Variants in AMER3 observed in about 807,000 individuals in gnomAD.
AMER3 encodes the protein family with sequence similarity 123C.
For missense variants in AMER3, 1,201 were observed against 1,139.4 expected, an observed-to-expected ratio of 1.05 and a Z score of -0.78; for synonymous variants, 541 against 485.5, an observed-to-expected ratio of 1.11 and a Z score of -1.50.
In AMER3 at chr2:130,763,915, T is replaced by G. The variant is rs1444114463; in HGVS notation, c.1843T>G (p.Ser615Ala). 6.2e-7 allele frequency: 1 copy of G among 1,613,520 alleles called. No homozygotes were observed. Among genetic ancestry groups the G allele is most frequent in the African/African-American group, 1.3e-5 (1 of 74,948 alleles). ...TRGHSEGLFS[S>A]MESAATSTTD... ...AGGTCACTCTGAAGGCTTGTTCTCC[T>G]CTATGGAGTCTGCAGCCACTTCGAC... The change falls in exon 2 of 2, where the codon TCT becomes GCT. Residue 615 changes from serine (S) to alanine (A), a missense_variant. Physicochemically the swap from Ser to Ala is moderately conservative, Grantham distance 99. Coordinates refer to ENST00000321420, the MANE Select transcript of AMER3 (RefSeq NM_152698.3).
intron 1 of AMER3, among the ~76,000 whole-genome samples, chr2:130,761,430 A>G (rs56783287): frequency 0.078 from 11,856 of 151,878 alleles, 1,062 homozygotes; most frequent in African/African-American, 0.22. Flanking sequence ...TCCCATGCTC[A>G]CCTCCCACCA....
chr2:130,760,271 G>C (rs1678738316), intron 1 of AMER3, among the ~76,000 whole-genome samples: 2 of 152,230 alleles, frequency 1.3e-5, no homozygotes, highest in South Asian at 4.1e-4. Flanking sequence ...TCCCTTGGGT[G>C]GGAGCGGGTG....
chr2:130,764,426 T>A lies in AMER3; in HGVS notation c.2354T>A (p.Val785Glu). 6.2e-7 allele frequency: 1 copy of A among 1,609,420 alleles called. No homozygotes were observed. The highest frequency in any genetic ancestry group is 8.5e-7 in the Non-Finnish European group (1 of 1,178,444). The change falls in exon 2 of 2, where the codon GTG becomes GAG. Residue 785 changes from valine to glutamate, a missense_variant. Val to Glu is a moderately radical substitution (Grantham distance 121, BLOSUM62 -2). Coordinates refer to ENST00000321420, the MANE Select transcript of AMER3 (RefSeq NM_152698.3). ...CTCAGCACAGAGGCTGTGGAGCAGG[T>A]GGCACACGGCAGCCAGCTGGACTCT... ...LQLSTEAVEQ[V>E]AHGSQLDSEP...
chr2:130,760,846 C>T (rs948355091), intron 1 of AMER3, among the ~76,000 whole-genome samples: 3 of 152,130 alleles, frequency 2.0e-5, no homozygotes, highest in Non-Finnish European at 2.9e-5. Context: ...CACCTTGGCT[C>T]AGCTCCCTCC....
At chr2:130,756,097 G>A (rs909817722) in intron 1 of AMER3, among the ~76,000 whole-genome samples, 30 of 150,778 alleles carry the variant, frequency 2.0e-4, no homozygotes, top group African/African-American at 7.0e-4. Context: ...CAGGGAGGCG[G>A]CAGCCTGGCG....
At position 130,762,568 on chromosome 2, in the gene AMER3, A is replaced by G. The variant is rs1678820271; in HGVS notation, c.496A>G (p.Ile166Val). 3 of 1,613,416 alleles carry G rather than the reference A, an allele frequency of 1.9e-6. No individual in the cohort carries two copies. The highest frequency in any genetic ancestry group is 2.2e-5 in the East Asian group (1 of 44,860). The change falls in exon 2 of 2, where the codon ATT becomes GTT. Residue 166 changes from isoleucine to valine, a missense_variant. Ile to Val is a conservative substitution (Grantham distance 29, BLOSUM62 3). Coordinates refer to ENST00000321420, the MANE Select transcript of AMER3 (RefSeq NM_152698.3). ...GAAGTGCTTTCGGAACCTATTCCAC[A>G]TTCGGAGAAACAAGACTGAGGACTT... ...PKKCFRNLFH[I>V]RRNKTEDLAS...
chr2:130,758,405 AAGG>A (rs1241201249), intron 1 of AMER3, among the ~76,000 whole-genome samples: 2 of 150,914 alleles, frequency 1.3e-5, no homozygotes, highest in African/African-American at 4.9e-5. Flanking sequence ...GAAAGGAAGG[AAGG>A]AAGGAAGGAG....
intron 1 of AMER3, among the ~76,000 whole-genome samples, chr2:130,757,959 C>T (rs774563833): frequency 6.6e-6 from 1 of 152,052 alleles, no homozygotes; most frequent in Non-Finnish European, 1.5e-5. Flanking sequence ...GGTGAAACCC[C>T]GTCTCTACTA....
At position 130,763,248 on chromosome 2, in the gene AMER3, G is replaced by T. The variant is rs759642503; in HGVS notation, c.1176G>T (p.Ser392=). ...TSDEGYYDSF[S]PGLEEDKKEA... ...ACGAGGGCTACTATGATTCCTTCTC[G>T]CCAGGACTTGAGGAGGACAAGAAGG... The change falls in exon 2 of 2, where the codon TCG becomes TCT. Residue 392 remains serine (S), a synonymous_variant. Coordinates refer to ENST00000321420, the MANE Select transcript of AMER3 (RefSeq NM_152698.3). 2.0e-5 allele frequency: 32 copies of T among 1,613,744 alleles called. No individual in the cohort carries two copies. Among genetic ancestry groups the T allele is most frequent in the Non-Finnish European group, 2.7e-5 (32 of 1,180,034 alleles).
At chr2:130,760,955 C>T (rs1239548331) in intron 1 of AMER3, among the ~76,000 whole-genome samples, 2 of 152,106 alleles carry the variant, frequency 1.3e-5, no homozygotes, top group Admixed American at 6.5e-5. Context: ...TCCCTGCTGT[C>T]GGTGAGCCCT....
rs766943151 is a variant in AMER3 at position 130,763,840 on chromosome 2, C to A, written c.1768C>A (p.Gln590Lys). Residue 590 changes from glutamine to lysine, a missense_variant, in exon 2 of 2, where the codon CAA (glutamine) becomes AAA (lysine). Coordinates refer to ENST00000321420, the MANE Select transcript of AMER3 (RefSeq NM_152698.3). ...GAGCAAGGCCCTCGGAGGGGCCACACAAGGGACTGGCACACTGTCCAGGGA... is the reference window on the plus strand; with the variant it reads ...GAGCAAGGCCCTCGGAGGGGCCACAAAAGGGACTGGCACACTGTCCAGGGA... The part of the protein sequence containing the change: ...GESKALGGAT[Q>K]GTGTLSRDAS... 6.2e-7 allele frequency: 1 copy of A among 1,613,292 alleles called. No homozygotes were observed. Among genetic ancestry groups the A allele is most frequent in the Admixed American group, 1.7e-5 (1 of 60,024 alleles).
Position 130,764,636 on chromosome 2 carries a change from C to T in AMER3, c.2564C>T (p.Ala855Val), listed in dbSNP as rs2104787369. 6.2e-7 allele frequency: 1 copy of T among 1,606,820 alleles called. No individual in the cohort carries two copies. The highest frequency in any genetic ancestry group is 2.2e-5 in the East Asian group (1 of 44,820). Residue 855 changes from alanine (A) to valine (V), a missense_variant, in exon 2 of 2, where the codon GCC becomes GTC. Coordinates refer to ENST00000321420, the MANE Select transcript of AMER3 (RefSeq NM_152698.3). Reference sequence around the variant, plus strand: ...CCAGAAGTGGGGGCCTCTGGGCCAGCCATGGCTGAGCCCCATCTGTAGGAC... The same window carrying T: ...CCAGAAGTGGGGGCCTCTGGGCCAGTCATGGCTGAGCCCCATCTGTAGGAC... ...GQPEVGASGP[A>V]MAEPHL
At position 130,764,223 on chromosome 2, in the gene AMER3, G is replaced by A; in HGVS notation, c.2151G>A (p.Leu717=). Residue 717 remains leucine, a synonymous_variant, in exon 2 of 2, where the codon CTG becomes CTA. Coordinates refer to ENST00000321420, the MANE Select transcript of AMER3 (RefSeq NM_152698.3). ...GCTGGGCCAGGGGCCCTGACATGCT[G>A]GAGCAGAAACAGTCCAGCAGCTCCC... The part of the protein sequence containing the change: ...GQRWARGPDM[L]EQKQSSSSPS... The A allele has an allele frequency of 1.2e-6, 2 of 1,609,442 alleles. No homozygotes were observed. Among genetic ancestry groups the A allele is most frequent in the East Asian group, 2.2e-5 (1 of 44,780 alleles).
Position 130,762,176 on chromosome 2 carries a change from GCCC to G in AMER3, c.106_108del (p.Pro36del), listed in dbSNP as rs1451104579. ...GTGGCTGCAGCCAGGGAGGGGACAG[GCCC>G]CTGGTCAGTCCTTCCAGGAGGGCAA... On this transcript the variant is annotated inframe_deletion, in exon 2 of 2. Transcript: ENST00000321420. The G allele has an allele frequency of 6.2e-7, 1 of 1,601,254 alleles. No homozygotes were observed. The highest frequency in any genetic ancestry group is 8.5e-7 in the Non-Finnish European group (1 of 1,174,220).
intron 1 of AMER3, among the ~76,000 whole-genome samples, chr2:130,757,374 C>T (rs1475416786): frequency 6.6e-6 from 1 of 152,178 alleles, no homozygotes; most frequent in Non-Finnish European, 1.5e-5. Flanking sequence ...TGCTTGGGCT[C>T]CTAACTCGCC....
Position 130,755,584 on chromosome 2 carries a change from C to G in AMER3, c.-110C>G, listed in dbSNP as rs954716809. On this transcript the variant is annotated 5_prime_UTR_variant, in exon 1 of 2. Coordinates refer to ENST00000321420, the MANE Select transcript of AMER3 (RefSeq NM_152698.3). ...CACTGAACCACGCGTGCAGACCCCT[C>G]GTCCTCAGTTCTGCGGAGACAGAGT... 1.3e-5 allele frequency: 2 copies of G among 152,938 alleles called. No homozygotes were observed. The highest frequency in any genetic ancestry group is 2.4e-5 in the African/African-American group (1 of 41,460). 9.5% of individuals were successfully genotyped at this position (152,938 alleles called of 1,614,324 possible). A position where few individuals can be genotyped will look rare whatever the true frequency, so the allele number is the denominator to read the frequency against.
Position 130,764,800 on chromosome 2 carries a change from T to G in AMER3, c.*142T>G. 14 of 1,059,272 alleles carry G rather than the reference T, an allele frequency of 1.3e-5. No individual in the cohort carries two copies. The highest frequency in any genetic ancestry group is 1.6e-5 in the African/African-American group (1 of 61,954). The allele number at this position is 1,059,272 out of a possible 1,614,324, so 65.6% of individuals were successfully genotyped here. On this transcript the variant is annotated 3_prime_UTR_variant, in exon 2 of 2. Transcript: ENST00000321420. Reference sequence around the variant, plus strand: ...TGGCAGGACTCAGGCATGCAGAGGGTAGCATGTTCATGTGGAGGCATCCTT... The same window carrying G: ...TGGCAGGACTCAGGCATGCAGAGGGGAGCATGTTCATGTGGAGGCATCCTT...
chr2:130,763,349 T>C lies in AMER3; in HGVS notation c.1277T>C (p.Phe426Ser). Residue 426 changes from phenylalanine to serine, a missense_variant, in exon 2 of 2, where the codon TTC (phenylalanine) becomes TCC (serine). Coordinates refer to ENST00000321420, the MANE Select transcript of AMER3 (RefSeq NM_152698.3). Reference protein sequence around the residue: ...SYSGDALYELFHDPSEGPLGP... With the variant: ...SYSGDALYELSHDPSEGPLGP... ...AGTGGGGACGCCCTCTACGAGCTCT[T>C]CCACGACCCCAGCGAGGGTCCTCTT... is the stretch of plus-strand genomic sequence containing the variant. The C allele has an allele frequency of 6.2e-7, 1 of 1,613,330 alleles. No homozygotes were observed. The highest frequency in any genetic ancestry group is 8.5e-7 in the Non-Finnish European group (1 of 1,179,994).
rs148812444 is a variant in AMER3 at position 130,764,152 on chromosome 2, G to T, written c.2080G>T (p.Ala694Ser). ...KISSNEQPPAAWPPRQDMGSG... is the reference protein window; with the variant it reads ...KISSNEQPPASWPPRQDMGSG... Reference sequence around the variant, plus strand: ...CAGCTCAAACGAACAGCCCCCGGCCGCATGGCCTCCAAGGCAAGACATGGG... The same window carrying T: ...CAGCTCAAACGAACAGCCCCCGGCCTCATGGCCTCCAAGGCAAGACATGGG... Residue 694 changes from alanine (A) to serine (S), a missense_variant, in exon 2 of 2, where the codon GCA (alanine) becomes TCA (serine). Coordinates refer to ENST00000321420, the MANE Select transcript of AMER3 (RefSeq NM_152698.3). The T allele has an allele frequency of 3.7e-6, 6 of 1,608,920 alleles. No homozygotes were observed. Among genetic ancestry groups the T allele is most frequent in the Non-Finnish European group, 3.4e-6 (4 of 1,177,512 alleles).
Sources: gnomAD v4.1 joint callset for allele counts (sites outside exome capture counted in the v4.1 genomes callset) on GRCh38, gnomAD v4.1.1 for gene constraint, MANE v1.5 for transcripts, NCBI Gene and HGNC (gene_info 2026-07-23, HGNC 2026-07-21) for gene names.